The following HAVCR2 variants were observed in gnomAD, a reference collection of about 807,000 sequenced individuals.
HAVCR2 encodes hepatitis A virus cellular receptor 2.
In HAVCR2, 13 loss-of-function variants were observed where a neutral mutation model predicts 24.7. That is an observed-to-expected ratio of 0.53 (90% CI 0.34 to 0.84). The LOEUF (loss-of-function observed/expected upper bound fraction) is 0.84. Among genes scored for constraint, HAVCR2 ranks in the 40% least tolerant of loss-of-function variants. HAVCR2 has a pLI of 0.01. For synonymous variants in HAVCR2, 154 were observed against 143.4 expected, an observed-to-expected ratio of 1.07 and a Z score of -0.53; for missense variants, 343 against 371.2, an observed-to-expected ratio of 0.92 and a Z score of 0.62.
At chr5:157,098,456 C>A (rs1248477178) in intron 4 of HAVCR2, among the ~76,000 whole-genome samples, 1 of 151,370 alleles carries the variant, frequency 6.6e-6, no homozygotes, top group African/African-American at 2.4e-5. Context: ...TGACTGGTGT[C>A]TTGCCATATT....
chr5:157,092,478 CT>C (rs1373937787), intron 5 of HAVCR2, among the ~76,000 whole-genome samples: 2 of 151,844 alleles, frequency 1.3e-5, no homozygotes, highest in African/African-American at 4.8e-5. Context: ...TGGAGTTTCA[CT>C]CTTGTTGCCC....
At chr5:157,089,130 A>G (rs910094542) in intron 5 of HAVCR2, among the ~76,000 whole-genome samples, 153 bp from the exon 6 acceptor site, 2 of 152,244 alleles carry the variant, frequency 1.3e-5, no homozygotes, top group Non-Finnish European at 2.9e-5. Flanking sequence ...TGCCTTAGAT[A>G]GTTATATGGA....
intron 4 of HAVCR2, among the ~76,000 whole-genome samples, chr5:157,098,352 A>G (rs931908245): frequency 2.6e-5 from 4 of 151,712 alleles, no homozygotes; most frequent in Non-Finnish European, 4.4e-5. Flanking sequence ...GGTTGAGGTG[A>G]GCCAGGATCA....
intron 3 of HAVCR2, among the ~76,000 whole-genome samples, chr5:157,103,902 G>A (rs746462928): frequency 1.6e-4 from 25 of 152,156 alleles, no homozygotes; most frequent in Non-Finnish European, 2.6e-4. Flanking sequence ...TAATATTAAC[G>A]ACAACAGCTA....
chr5:157,092,913 A>AAAAAAAAAAAAT (rs1561619880), intron 5 of HAVCR2, among the ~76,000 whole-genome samples: 18 of 123,028 alleles, frequency 1.5e-4, no homozygotes, highest in African/African-American at 5.3e-4. Flanking sequence ...AAAAAAAAAA[A>AAAAAAAAAAAAT]AAAAACTAGC....
chr5:157,099,361 A>G (rs1757139273), intron 3 of HAVCR2, among the ~76,000 whole-genome samples: 1 of 148,346 alleles, frequency 6.7e-6, no homozygotes, highest in African/African-American at 2.5e-5. Context: ...GGTTCAAGCA[A>G]TTCTCATCCC....
At chr5:157,107,111 A>T in intron 1 of HAVCR2, 149 bp from the exon 2 acceptor site, 2 of 645,686 alleles carry the variant, frequency 3.1e-6, no homozygotes, top group Non-Finnish European at 5.2e-6. Flanking sequence ...AATGCTTCTC[A>T]GATGTGAAGG....
At chr5:157,104,535 A>T in intron 3 of HAVCR2, 131 bp downstream of exon 3, 1 of 581,300 alleles carries the variant, frequency 1.7e-6, no homozygotes, top group Non-Finnish European at 3.0e-6. Flanking sequence ...CTTTTCAAAC[A>T]CTATTTCAGG....
In HAVCR2 at chr5:157,107,667, T is replaced by C. The variant is rs1289782953; in HGVS notation, c.59-705A>G. On this transcript the variant is annotated intron_variant, in intron 1 of 6. Coordinates refer to ENST00000307851, the MANE Select transcript of HAVCR2 (RefSeq NM_032782.5). The stretch of plus-strand genomic sequence containing the variant: ...ATTCCTGAATAAGATGGCTACAGGA[T>C]GAAAGGCTGCATACCTCCCCCATAT... Among the ~76,000 whole-genome samples the C allele has an allele frequency of 2.6e-5, 4 of 152,256 alleles. No individual in the cohort carries two copies. The South Asian group carries it at 8.3e-4, about 32-fold the overall frequency.
chr5:157,096,553 C>T (rs185718053), intron 4 of HAVCR2, among the ~76,000 whole-genome samples: 4 of 151,858 alleles, frequency 2.6e-5, no homozygotes, highest in South Asian at 4.2e-4. Context: ...CCAAGGCAGG[C>T]AGATCACGAG....
At chr5:157,108,022 G>C (rs926985609) in intron 1 of HAVCR2, among the ~76,000 whole-genome samples, 2 of 151,326 alleles carry the variant, frequency 1.3e-5, no homozygotes, top group African/African-American at 4.9e-5. Context: ...ATTGAGACTT[G>C]TCTCCTCATT....
At chr5:157,105,512 G>A (rs1757234701) in intron 2 of HAVCR2, among the ~76,000 whole-genome samples, 1 of 152,002 alleles carries the variant, frequency 6.6e-6, no homozygotes, top group Non-Finnish European at 1.5e-5. Flanking sequence ...TTCAGATTTG[G>A]GATGCCCAAC....
intron 1 of HAVCR2, 164 bp from the exon 2 acceptor site, chr5:157,107,126 C>A (rs1288991335): frequency 6.6e-6 from 4 of 608,968 alleles, no homozygotes; most frequent in Non-Finnish European, 1.1e-5. Context: ...TGAAGGCCAT[C>A]AGAATCACTG....
At chr5:157,087,867 C>T (rs1349493808) in intron 6 of HAVCR2, among the ~76,000 whole-genome samples, 1 of 148,004 alleles carries the variant, frequency 6.8e-6, no homozygotes, top group Admixed American at 6.8e-5. Flanking sequence ...TGTGCCACTG[C>T]ACTCCAGCCT....
intron 2 of HAVCR2, 74 bp from the exon 3 acceptor site, chr5:157,104,823 G>A: frequency 9.2e-7 from 1 of 1,081,708 alleles, no homozygotes; most frequent in Admixed American, 2.3e-5. Context: ...CAAAGGGGCA[G>A]CAAGAAAAAA....
At chr5:157,108,554 C>A (rs1347075435) in intron 1 of HAVCR2, among the ~76,000 whole-genome samples, 1 of 151,896 alleles carries the variant, frequency 6.6e-6, no homozygotes, top group Admixed American at 6.6e-5. Flanking sequence ...AAAAATATGC[C>A]TTACTCTCCC....
chr5:157,106,147 T>A (rs1757244768), intron 2 of HAVCR2: 1 of 142,696 alleles, frequency 7.0e-6, no homozygotes, highest in Admixed American at 7.1e-5. Flanking sequence ...TTTTTTTTTT[T>A]GAGACAGAGT....
At chr5:157,095,167 G>A (rs1757076225) in intron 5 of HAVCR2, 139 bp downstream of exon 5, 1 of 846,210 alleles carries the variant, frequency 1.2e-6, no homozygotes, top group South Asian at 1.9e-5. Context: ...AGCCATTATT[G>A]TTAGGATTTG....
chr5:157,094,798 G>A (rs933409813), intron 5 of HAVCR2, among the ~76,000 whole-genome samples: 1 of 152,044 alleles, frequency 6.6e-6, no homozygotes, highest in African/African-American at 2.4e-5. Flanking sequence ...CCCCAGTCAC[G>A]ACCCAGTGTT....
Sources: allele counts gnomAD v4.1 joint callset (sites outside exome capture counted in the v4.1 genomes callset), GRCh38; gene constraint gnomAD v4.1.1; transcripts MANE v1.5; gene names NCBI Gene and HGNC (gene_info 2026-07-23, HGNC 2026-07-21).